CACUL1: variants seen among roughly 807,000 people sequenced by gnomAD.
CACUL1 encodes the protein CDK2-associated and cullin domain-containing protein 1.
In CACUL1, 13 loss-of-function variants were observed where a neutral mutation model predicts 45.2. The observed-to-expected ratio is 0.29, with a 90% CI of 0.19 to 0.46. The LOEUF (loss-of-function observed/expected upper bound fraction) is 0.46, where lower values mean the gene tolerates loss of function less well. Among genes scored for constraint, CACUL1 ranks in the 20% least tolerant of loss-of-function variants. The pLI is 1.00. For missense variants in CACUL1, 421 were observed against 471.4 expected (o/e 0.89, Z 0.99); for synonymous variants, 197 against 174.2 (o/e 1.13, Z -1.03).
chr10:118,698,488 T>A (rs1485606163), intron 5 of CACUL1, among the ~76,000 whole-genome samples: 1 of 152,152 alleles, frequency 6.6e-6, no homozygotes, highest in Non-Finnish European at 1.5e-5. Context: ...TCTCCTGGAA[T>A]TTGGGCTCTG....
chr10:118,717,537 G>A (rs1845558574), intron 3 of CACUL1, among the ~76,000 whole-genome samples: 1 of 152,136 alleles, frequency 6.6e-6, no homozygotes, highest in Non-Finnish European at 1.5e-5. Context: ...GAGCTCATCA[G>A]ACACCTAAGG....
Position 118,684,173 on chromosome 10 carries a change from T to G in CACUL1, c.*1955A>C, listed in dbSNP as rs1427895960. On this transcript the variant is annotated 3_prime_UTR_variant, in exon 9 of 9. Transcript: ENST00000369151. ...TGTGATGCTTTTATAGGGAAAGTTC[T>G]TTTGTAAAAGAATGCTCTCTCCCAG... 2 of 152,662 alleles carry G rather than the reference T, an allele frequency of 1.3e-5. No homozygotes were observed. Among genetic ancestry groups the G allele is most frequent in the Non-Finnish European group, 2.9e-5 (2 of 68,038 alleles). The allele number at this position is 152,662 out of a possible 1,614,324, so 9.5% of individuals were successfully genotyped here.
chr10:118,701,429 T>C, intron 4 of CACUL1, 21 bp from the exon 5 acceptor site: 2 of 1,374,852 alleles, frequency 1.5e-6, no homozygotes, highest in Non-Finnish European at 2.0e-6. Context: ...AAATAAAATC[T>C]TTTTTTGTGT....
chr10:118,713,104 G>A (rs1439535054), intron 3 of CACUL1, among the ~76,000 whole-genome samples: 2 of 152,200 alleles, frequency 1.3e-5, no homozygotes, highest in Non-Finnish European at 2.9e-5. Flanking sequence ...TTCTGTGCTT[G>A]TCAGTGCCCA....
intron 3 of CACUL1, among the ~76,000 whole-genome samples, chr10:118,714,654 T>G (rs1283423951): frequency 6.6e-6 from 1 of 152,208 alleles, no homozygotes; most frequent in Non-Finnish European, 1.5e-5. Context: ...AAAGCAGGGT[T>G]AGTTCAAAAT....
chr10:118,747,714 A>C (rs1437817400), intron 1 of CACUL1, among the ~76,000 whole-genome samples: 1 of 152,182 alleles, frequency 6.6e-6, no homozygotes, highest in Non-Finnish European at 1.5e-5. Context: ...TTTATATGAA[A>C]TCCTACAGTG....
intron 3 of CACUL1, 114 bp from the exon 4 acceptor site, chr10:118,707,701 CA>C (rs879008510): frequency 0.15 from 47,022 of 317,868 alleles, 15 homozygotes; most frequent in Middle Eastern, 0.18. Flanking sequence ...TCACAATTAA[CA>C]AAAAAAAAAA....
intron 6 of CACUL1, among the ~76,000 whole-genome samples, chr10:118,691,828 C>A (rs1845272048): frequency 7.5e-6 from 1 of 134,102 alleles, no homozygotes; most frequent in Non-Finnish European, 1.5e-5. Context: ...GATCGCACCA[C>A]TGCACTCCAG....
intron 1 of CACUL1, among the ~76,000 whole-genome samples, chr10:118,746,122 A>G (rs944945474): frequency 6.6e-6 from 1 of 150,820 alleles, no homozygotes; most frequent in African/African-American, 2.4e-5. Context: ...ACTGCACTCC[A>G]GCCTGGGCAA....
chr10:118,754,484 G>A lies in CACUL1; in HGVS notation c.279C>T (p.Ser93=). The A allele has an allele frequency of 1.9e-6, 3 of 1,612,348 alleles. No individual in the cohort carries two copies. The highest frequency in any genetic ancestry group is 2.5e-6 in the Non-Finnish European group (3 of 1,179,284). Residue 93 remains serine (S), a synonymous_variant, in exon 1 of 9, where the codon AGC becomes AGT. Transcript: ENST00000369151. The stretch of plus-strand genomic sequence containing the variant: ...TGGCCACGGCGGCGGCCGCGTCGCA[G>A]CTCTTCAACATCATGATCACCCCAT... ...EANGVIMMLK[S]CDAAAAVAKA...
chr10:118,741,366 A>G (rs1483666720), intron 1 of CACUL1, among the ~76,000 whole-genome samples: 1 of 152,132 alleles, frequency 6.6e-6, no homozygotes, highest in Non-Finnish European at 1.5e-5. Context: ...AATATCTCCA[A>G]TATTCTAAGG....
At chr10:118,714,114 C>A (rs1048893104) in intron 3 of CACUL1, among the ~76,000 whole-genome samples, 1 of 152,198 alleles carries the variant, frequency 6.6e-6, no homozygotes, top group African/African-American at 2.4e-5. Context: ...CTCTTTAGAG[C>A]CTAGCTTAAT....
intron 7 of CACUL1, among the ~76,000 whole-genome samples, chr10:118,687,219 T>G: frequency 6.6e-6 from 1 of 151,998 alleles, no homozygotes; most frequent in South Asian, 2.1e-4. Flanking sequence ...AGGATGGTGA[T>G]CATACACTCT....
At chr10:118,714,704 T>G (rs143142115) in intron 3 of CACUL1, among the ~76,000 whole-genome samples, 1 of 152,336 alleles carries the variant, frequency 6.6e-6, no homozygotes, top group East Asian at 1.9e-4. Flanking sequence ...AAACCACCAC[T>G]GTACTCTGGT....
chr10:118,680,081 A>G lies in CACUL1; in HGVS notation c.*6047T>C, dbSNP rs1303954364. 1 of 152,104 alleles carries G rather than the reference A, an allele frequency of 6.6e-6. No homozygotes were observed. The highest frequency in any genetic ancestry group is 1.5e-5 in the Non-Finnish European group (1 of 68,020). The allele number at this position is 152,104 out of a possible 1,614,324, so 9.4% of individuals were successfully genotyped here. A position where few individuals can be genotyped will look rare whatever the true frequency, so the allele number is the denominator to read the frequency against. On this transcript the variant is annotated 3_prime_UTR_variant, in exon 9 of 9. Coordinates refer to ENST00000369151, the MANE Select transcript of CACUL1 (RefSeq NM_153810.5). Reference sequence around the variant, plus strand: ...GGAAAACAGATTAAAAAAAAAACCTACTCAAGACTACAGCTAGTTAAGCTA... The same window carrying G: ...GGAAAACAGATTAAAAAAAAAACCTGCTCAAGACTACAGCTAGTTAAGCTA...
chr10:118,736,232 A>C (rs1160051586), intron 1 of CACUL1, among the ~76,000 whole-genome samples: 1 of 152,166 alleles, frequency 6.6e-6, no homozygotes, highest in Non-Finnish European at 1.5e-5. Context: ...TTAAACAGAA[A>C]AAATTTTATC....
At position 118,741,726 on chromosome 10, in the gene CACUL1, C is replaced by T. The variant is rs144464034; in HGVS notation, c.368-11316G>A. On this transcript the variant is annotated intron_variant, in intron 1 of 8. Transcript: ENST00000369151. ...ACCCTAACTAGCCCCTAGACCTCCA[C>T]TCTCTATCCGCTCTAAATTAACACA... is the stretch of plus-strand genomic sequence containing the variant. Among the ~76,000 whole-genome samples, 1,201 of 152,298 alleles carry T rather than the reference C, an allele frequency of 7.9e-3. 7 individuals carry two copies. Among genetic ancestry groups the T allele is most frequent in the Non-Finnish European group, 0.013 (863 of 68,020 alleles).
chr10:118,702,345 C>T (rs913396011), intron 4 of CACUL1, among the ~76,000 whole-genome samples: 12 of 152,040 alleles, frequency 7.9e-5, no homozygotes, highest in African/African-American at 1.9e-4. Context: ...CAAAGACGCC[C>T]GTGACAGGGA....
intron 3 of CACUL1, among the ~76,000 whole-genome samples, chr10:118,715,843 GGAAGAGAA>G (rs1849854513): frequency 6.6e-6 from 1 of 152,188 alleles, no homozygotes; most frequent in South Asian, 2.1e-4. Context: ...AAGAAGGGAT[GGAAGAGAA>G]GGACCTACTA....
Sources: allele counts gnomAD v4.1 joint callset (sites outside exome capture counted in the v4.1 genomes callset), GRCh38; gene constraint gnomAD v4.1.1; transcripts MANE v1.5; gene names NCBI Gene and HGNC (gene_info 2026-07-23, HGNC 2026-07-21).